The following KHDRBS2 variants were observed in gnomAD, a reference collection of about 807,000 sequenced individuals.
KHDRBS2 encodes KH domain-containing, RNA-binding, signal transduction-associated protein 2.
Under a neutral mutation model 44.3 loss-of-function variants are expected in KHDRBS2, and 26 were observed. That is an observed-to-expected ratio of 0.59 (90% CI 0.43 to 0.81). KHDRBS2 has a LOEUF of 0.81. Among genes scored for constraint, KHDRBS2 ranks in the 40% least tolerant of loss-of-function variants. The pLI, the probability that KHDRBS2 is intolerant of heterozygous loss-of-function variation, is 0.00. For synonymous variants in KHDRBS2, 194 were observed against 151.1 expected (o/e 1.28, Z -2.08); for missense variants, 476 against 433.1 (o/e 1.10, Z -0.88).
intron 1 of KHDRBS2, among the ~76,000 whole-genome samples, chr6:62,193,822 T>C (rs1228683915): frequency 6.6e-6 from 1 of 152,128 alleles, no homozygotes; most frequent in Non-Finnish European, 1.5e-5. Context: ...ATTTCTTTAA[T>C]AACCAATGAA....
At chr6:61,878,658 C>T (rs1799786333) in intron 6 of KHDRBS2, among the ~76,000 whole-genome samples, 1 of 151,938 alleles carries the variant, frequency 6.6e-6, no homozygotes, top group Non-Finnish European at 1.5e-5. Context: ...ACACAGATGC[C>T]AAGAAAATAA....
chr6:61,558,042 G>C, the KHDRBS2 span, among the ~76,000 whole-genome samples: 1 of 152,036 alleles, frequency 6.6e-6, no homozygotes, highest in Non-Finnish European at 1.5e-5. Context: ...TCTGGCTAAA[G>C]AGTTATCAAA....
chr6:61,967,949 TATATATATAC>T lies in KHDRBS2; in HGVS notation c.483+10107_483+10116del, dbSNP rs1403707880. Reference sequence around the variant, plus strand: ...ACACACACGTATATATATATATATATATATATATACACACACACACACATGCACACACACA... The same window carrying T: ...ACACACACGTATATATATATATATATACACACACACACATGCACACACACA... On this transcript the variant is annotated intron_variant, in intron 4 of 8. Coordinates refer to ENST00000281156, the MANE Select transcript of KHDRBS2 (RefSeq NM_152688.4). Among the ~76,000 whole-genome samples the T allele has an allele frequency of 3.2e-3, 377 of 118,912 alleles. 4 individuals carry two copies. The highest frequency in any genetic ancestry group is 0.011 in the African/African-American group (353 of 31,840). 78.0% of individuals were successfully genotyped at this position (118,912 alleles called of 152,430 possible).
intron 4 of KHDRBS2, among the ~76,000 whole-genome samples, chr6:61,950,798 T>C (rs1179341319): frequency 2.6e-5 from 4 of 151,964 alleles, no homozygotes; most frequent in African/African-American, 4.8e-5. Context: ...TTTTGTGTGG[T>C]TGTATTTCTT....
At chr6:61,620,733 C>T in the KHDRBS2 span, among the ~76,000 whole-genome samples, 2 of 152,182 alleles carry the variant, frequency 1.3e-5, no homozygotes, top group Admixed American at 6.5e-5. Context: ...TTACTCTAGG[C>T]TACTCCCAGC....
the KHDRBS2 span, among the ~76,000 whole-genome samples, chr6:61,614,713 G>A: frequency 2.6e-5 from 4 of 152,032 alleles, no homozygotes; most frequent in African/African-American, 9.7e-5. Context: ...ACAGAGTGTG[G>A]GGAAGTTTTT....
In KHDRBS2 at chr6:62,152,418, T is replaced by G. The variant is rs150849029; in HGVS notation, c.219+24767A>C. ...AGTCAGCTAGCACAGTGTCTAACACTTAAGAATTCACTAAATGTTAGTTCT... is the reference window on the plus strand; with the variant it reads ...AGTCAGCTAGCACAGTGTCTAACACGTAAGAATTCACTAAATGTTAGTTCT... On this transcript the variant is annotated intron_variant, in intron 2 of 8. Coordinates refer to ENST00000281156, the MANE Select transcript of KHDRBS2 (RefSeq NM_152688.4). Among the ~76,000 whole-genome samples, 79 of 152,330 alleles carry G rather than the reference T, an allele frequency of 5.2e-4. 1 individual carries two copies. Among genetic ancestry groups the G allele is most frequent in the African/African-American group, 1.8e-3 (75 of 41,584 alleles).
chr6:61,574,494 T>C, the KHDRBS2 span: 69 of 1,128,338 alleles, frequency 6.1e-5, no homozygotes, highest in Middle Eastern at 3.2e-4. Context: ...CAAACCTGCA[T>C]TAAAAATTTC....
At chr6:61,782,082 T>C (rs1471927050) in intron 6 of KHDRBS2, among the ~76,000 whole-genome samples, 1 of 152,154 alleles carries the variant, frequency 6.6e-6, no homozygotes, top group Non-Finnish European at 1.5e-5. Context: ...TGTCATATAT[T>C]AGCAAATCAG....
chr6:62,070,401 C>T (rs905358535), intron 2 of KHDRBS2, among the ~76,000 whole-genome samples: 35 of 151,308 alleles, frequency 2.3e-4, no homozygotes, highest in Non-Finnish European at 4.3e-4. Context: ...AGGTTTGTTA[C>T]ATATATATAC....
the KHDRBS2 span, chr6:61,659,274 C>A: frequency 6.6e-6 from 1 of 151,782 alleles, no homozygotes; most frequent in East Asian, 2.0e-4. Context: ...TCCCTTTGTC[C>A]CCAAGAATTT....
chr6:62,055,337 C>T (rs932545477), intron 2 of KHDRBS2, among the ~76,000 whole-genome samples: 9 of 151,888 alleles, frequency 5.9e-5, no homozygotes, highest in African/African-American at 2.2e-4. Context: ...GAAATTCAAT[C>T]GCATTATAAT....
intron 6 of KHDRBS2, among the ~76,000 whole-genome samples, chr6:61,865,450 C>T (rs1442255828): frequency 6.6e-6 from 1 of 152,018 alleles, no homozygotes; most frequent in East Asian, 1.9e-4. Context: ...AGCAGGGGAA[C>T]TCCTCATTAT....
At chr6:62,257,377 TG>T (rs1837564599) in intron 1 of KHDRBS2, among the ~76,000 whole-genome samples, 1 of 152,066 alleles carries the variant, frequency 6.6e-6, no homozygotes, top group African/African-American at 2.4e-5. Context: ...TGTATAAGGT[TG>T]CATATTATCT....
chr6:61,701,113 C>G (rs1278503671), intron 7 of KHDRBS2, among the ~76,000 whole-genome samples: 1 of 151,788 alleles, frequency 6.6e-6, no homozygotes, highest in Non-Finnish European at 1.5e-5. Flanking sequence ...ATGCCATTGC[C>G]AGTGACAACT....
intron 6 of KHDRBS2, among the ~76,000 whole-genome samples, chr6:61,863,582 T>C (rs1238627996): frequency 6.6e-6 from 1 of 151,988 alleles, no homozygotes; most frequent in East Asian, 1.9e-4. Flanking sequence ...GTTCATGTAG[T>C]TAAATGGTTT....
rs1798558933 is a variant in KHDRBS2 at position 61,870,856 on chromosome 6, C to T, written c.810+23779G>A. On this transcript the variant is annotated intron_variant, in intron 6 of 8. Coordinates refer to ENST00000281156, the MANE Select transcript of KHDRBS2 (RefSeq NM_152688.4). ...ACTCAGAGACCCCAACCAAAAGTCA[C>T]CAACATCAAAGACCAAAGGTAGATA... Among the ~76,000 whole-genome samples the T allele has an allele frequency of 3.9e-5, 6 of 152,074 alleles. 1 individual carries two copies. Among genetic ancestry groups the T allele is most frequent in the Admixed American group, 3.3e-4 (5 of 15,262 alleles).
intron 2 of KHDRBS2, among the ~76,000 whole-genome samples, chr6:62,150,299 G>A (rs1263020846): frequency 2.7e-5 from 3 of 109,730 alleles, no homozygotes; most frequent in East Asian, 2.6e-4. Flanking sequence ...TTAAGAGATT[G>A]TGGAAAAAAA....
chr6:61,685,724 T>C (rs1766745391), intron 8 of KHDRBS2, among the ~76,000 whole-genome samples: 1 of 151,784 alleles, frequency 6.6e-6, no homozygotes, highest in South Asian at 2.1e-4. Flanking sequence ...TTCAAAAGTT[T>C]CTGTATCTCA....
Sources: gnomAD v4.1 joint callset for allele counts (sites outside exome capture counted in the v4.1 genomes callset) on GRCh38, gnomAD v4.1.1 for gene constraint, MANE v1.5 for transcripts, NCBI Gene and HGNC (gene_info 2026-07-23, HGNC 2026-07-21) for gene names.